SYTL5: variants seen among roughly 807,000 people sequenced by gnomAD.
SYTL5 encodes synaptotagmin-like protein 5.
Under a neutral mutation model 55.9 loss-of-function variants are expected in SYTL5, and 34 were observed. The ratio of observed to expected loss-of-function variants is 0.61; its 90% CI spans 0.46 to 0.81. SYTL5 has a LOEUF of 0.81. Among genes scored for constraint, SYTL5 ranks in the 30% least tolerant of loss-of-function variants. The probability of loss-of-function intolerance (pLI) is 0.00; values close to 1 mark genes in which losing one functional copy is unlikely to be tolerated. For synonymous variants in SYTL5, 221 were observed against 188.7 expected (o/e 1.17, Z -1.40); for missense variants, 637 against 546.7 (o/e 1.17, Z -1.65).
the SYTL5 span, among the ~76,000 whole-genome samples, chrX:37,955,249 G>T: frequency 1.3e-4 from 14 of 111,481 alleles, no homozygotes; most frequent in South Asian, 7.4e-4. Context: ...ATATTCATTT[G>T]GTACCACAGC....
chrX:37,950,176 C>T, the SYTL5 span, among the ~76,000 whole-genome samples: 2 of 111,336 alleles, frequency 1.8e-5, no homozygotes, highest in Admixed American at 9.6e-5. Flanking sequence ...CTGCCTTTCA[C>T]CTGTTTTCCT....
intron 9 of SYTL5, among the ~76,000 whole-genome samples, chrX:38,098,722 A>T (rs1937003458): frequency 9.0e-6 from 1 of 111,151 alleles, no homozygotes; most frequent in Admixed American, 9.6e-5. Context: ...AAATGAAAAC[A>T]TATGTCCACA....
At chrX:38,117,456 G>A (rs184615046) in intron 13 of SYTL5, among the ~76,000 whole-genome samples, 4 of 111,790 alleles carry the variant, frequency 3.6e-5, no homozygotes, top group Non-Finnish European at 5.6e-5. Context: ...TCCTACTGGC[G>A]TATTTTCATA....
the SYTL5 span, among the ~76,000 whole-genome samples, chrX:37,968,382 C>T: frequency 7.2e-5 from 8 of 111,304 alleles, no homozygotes; most frequent in African/African-American, 2.6e-4. Flanking sequence ...TCCCAGGAAG[C>T]CTTTTTACCC....
chrX:38,033,155 AAAG>A (rs1935007803), intron 1 of SYTL5, among the ~76,000 whole-genome samples: 1 of 111,524 alleles, frequency 9.0e-6, no homozygotes, highest in Admixed American at 9.6e-5. Context: ...AGGAAGGAAG[AAAG>A]AAGGAGGGAG....
upstream of SYTL5, among the ~76,000 whole-genome samples, chrX:38,005,106 A>G (rs1933957649): frequency 9.0e-6 from 1 of 111,446 alleles, no homozygotes; most frequent in Non-Finnish European, 1.9e-5. Context: ...CAGCCCTTAC[A>G]AGATCTGCAG....
rs943470875 is a variant in SYTL5 at position 38,010,355 on chromosome X, A to G, written c.-357+3687A>G. Among the ~76,000 whole-genome samples the G allele has an allele frequency of 5.4e-5, 6 of 111,565 alleles. 1 individual carries two copies. The Admixed American group carries it at 5.7e-4, about 11-fold the overall frequency. On this transcript the variant is annotated intron_variant, in intron 1 of 16. Transcript: ENST00000297875. ...GATTAGGTACAGCAAGGATGCAAGC[A>G]CAGAGCTACAGACTGGACACATGTA...
At chrX:37,974,098 A>G in the SYTL5 span, among the ~76,000 whole-genome samples, 788 of 111,652 alleles carry the variant, frequency 7.1e-3, 9 homozygotes, top group African/African-American at 0.024. Flanking sequence ...TTGCAGTTAT[A>G]TAGGATTTAT....
At chrX:37,950,990 G>A in the SYTL5 span, among the ~76,000 whole-genome samples, 4 of 109,150 alleles carry the variant, frequency 3.7e-5, no homozygotes, top group East Asian at 1.1e-3. Flanking sequence ...AATCATGGAA[G>A]AAATTGGAAT....
chrX:38,111,989 C>CCACAGTAAT (rs59030090), intron 13 of SYTL5, among the ~76,000 whole-genome samples: 11,215 of 110,966 alleles, frequency 0.1, 1,048 homozygotes, highest in African/African-American at 0.27. Flanking sequence ...TCAACATTTT[C>CCACAGTAAT]CACAGTAATC....
chrX:38,062,940 G>C (rs972106967), intron 3 of SYTL5, among the ~76,000 whole-genome samples: 1 of 111,295 alleles, frequency 9.0e-6, no homozygotes, highest in Non-Finnish European at 1.9e-5. Flanking sequence ...TGTTAGAATT[G>C]TCCCCATTCT....
chrX:38,090,461 CTT>C (rs1375798397), intron 7 of SYTL5, among the ~76,000 whole-genome samples: 1 of 111,804 alleles, frequency 8.9e-6, no homozygotes, highest in East Asian at 2.8e-4. Flanking sequence ...AAAATATTCT[CTT>C]TTATTAAATA....
the SYTL5 span, among the ~76,000 whole-genome samples, chrX:37,982,778 A>G: frequency 1.8e-5 from 2 of 111,880 alleles, no homozygotes; most frequent in Non-Finnish European, 3.8e-5. Flanking sequence ...AAGAAGGTTC[A>G]TATAACAAAA....
At chrX:37,906,363 C>T in the SYTL5 span, 1 of 112,183 alleles carries the variant, frequency 8.9e-6, no homozygotes, top group East Asian at 2.8e-4. Context: ...TACCGGGTAC[C>T]TTCACATGTC....
At chrX:38,043,036 T>G (rs937953864) in intron 2 of SYTL5, among the ~76,000 whole-genome samples, 3 of 111,934 alleles carry the variant, frequency 2.7e-5, no homozygotes, top group African/African-American at 9.7e-5. Flanking sequence ...ATAATTTTTA[T>G]AATTGTTCTT....
At chrX:37,990,611 G>A in the SYTL5 span, among the ~76,000 whole-genome samples, 20 of 111,962 alleles carry the variant, frequency 1.8e-4, no homozygotes, top group South Asian at 2.6e-3. Context: ...AGTCATTAGC[G>A]TGACTAGATC....
chrX:38,036,311 A>G (rs1935106097), intron 2 of SYTL5, among the ~76,000 whole-genome samples: 1 of 111,031 alleles, frequency 9.0e-6, no homozygotes, highest in South Asian at 3.8e-4. Context: ...ATCTCAAAAA[A>G]TAATAATAAT....
chrX:37,957,284 T>C, the SYTL5 span, among the ~76,000 whole-genome samples: 2 of 111,743 alleles, frequency 1.8e-5, no homozygotes, highest in Admixed American at 1.9e-4. Flanking sequence ...TGGTTTGATA[T>C]AGTCCCCTTT....
chrX:38,126,376 G>T (rs888637982), intron 16 of SYTL5, among the ~76,000 whole-genome samples: 2 of 112,073 alleles, frequency 1.8e-5, no homozygotes, highest in African/African-American at 3.2e-5. Context: ...GGGCCACCCC[G>T]ATTTGCCTCA....
Sources: allele counts gnomAD v4.1 joint callset (sites outside exome capture counted in the v4.1 genomes callset), GRCh38; gene constraint gnomAD v4.1.1; transcripts MANE v1.5; gene names NCBI Gene and HGNC (gene_info 2026-07-23, HGNC 2026-07-21).